The following CLK4 variants were observed in gnomAD, a reference collection of about 807,000 sequenced individuals.
CLK4 encodes dual specificity protein kinase CLK4.
In CLK4, 37 loss-of-function variants were observed where a neutral mutation model predicts 64.4. The observed-to-expected ratio is 0.57, with a 90% CI of 0.44 to 0.76. The LOEUF (loss-of-function observed/expected upper bound fraction) is 0.76. CLK4 is among the 30% of genes least tolerant of loss of function. CLK4 has a pLI of 0.00. For missense variants in CLK4, 457 were observed against 605.1 expected (o/e 0.76, Z 2.57); for synonymous variants, 175 against 191.6 (o/e 0.91, Z 0.72).
chr5:178,609,553 G>T (rs1424647944), intron 9 of CLK4, among the ~76,000 whole-genome samples: 1 of 151,948 alleles, frequency 6.6e-6, no homozygotes, highest in Non-Finnish European at 1.5e-5. Flanking sequence ...CGTGGTGGCA[G>T]ACGCCTGTAA....
intron 11 of CLK4, 101 bp from the exon 12 acceptor site, chr5:178,604,035 G>A: frequency 1.2e-6 from 1 of 807,520 alleles, no homozygotes; most frequent in Admixed American, 2.8e-5. Flanking sequence ...CTCTCTAAGT[G>A]TATAGACTTA....
rs756090488 is a variant in CLK4 at position 178,612,446 on chromosome 5, G to A, written c.1021C>T (p.Arg341Trp). The A allele has an allele frequency of 2.5e-6, 4 of 1,613,652 alleles. No individual in the cohort carries two copies. Among genetic ancestry groups the A allele is most frequent in the Admixed American group, 1.7e-5 (1 of 59,956 alleles). Reference protein sequence around the residue: ...DEHHSTLVSTRHYRAPEVILA... With the variant: ...DEHHSTLVSTWHYRAPEVILA... ...ATGACCTCGGGAGCTCTGTAGTGCC[G>A]GGTAGACACCAAAGTACTGTGATGT... The change falls in exon 9 of 13, where the codon CGG becomes TGG. Residue 341 changes from arginine to tryptophan, a missense_variant. By Grantham distance (101) the Arg-to-Trp change is moderately radical. Transcript: ENST00000316308.
At position 178,617,689 on chromosome 5, in the gene CLK4, C is replaced by G. The variant is rs183667057; in HGVS notation, c.385-255G>C. 3.5e-6 allele frequency: 1 copy of G among 289,318 alleles called. No homozygotes were observed. The highest frequency in any genetic ancestry group is 6.2e-5 in the East Asian group (1 of 16,012). The allele number at this position is 289,318 out of a possible 1,614,324, so 17.9% of individuals were successfully genotyped here. On this transcript the variant is annotated intron_variant, in intron 3 of 12. Transcript: ENST00000316308. The surrounding 1 kb of genome is among the most constrained non-coding windows in gnomAD (Gnocchi z 5.2). The stretch of plus-strand genomic sequence containing the variant: ...TACTTAAAGTGGCAATAGAAAAAAA[C>G]AACACAATTGTCTCTTTAAAATACT...
Position 178,603,861 on chromosome 5 carries a change from G to A in CLK4, c.1288C>T (p.Arg430Cys), listed in dbSNP as rs746376438. The change falls in exon 12 of 13, where the codon CGC becomes TGC. Residue 430 changes from arginine to cysteine, a missense_variant. Coordinates refer to ENST00000316308, the MANE Select transcript of CLK4 (RefSeq NM_020666.3). Reference protein sequence around the residue: ...HSSAGRYVRRRCKPLKEFMLC... With the variant: ...HSSAGRYVRRCCKPLKEFMLC... Reference sequence around the variant, plus strand: ...TCTTTTACCTTCAACGGTTTGCAGCGTCTCCTAACATATCTACCAGCAGAA... The same window carrying A: ...TCTTTTACCTTCAACGGTTTGCAGCATCTCCTAACATATCTACCAGCAGAA... The A allele has an allele frequency of 5.0e-6, 8 of 1,608,594 alleles. No individual in the cohort carries two copies. The highest frequency in any genetic ancestry group is 2.7e-5 in the African/African-American group (2 of 74,370).
chr5:178,616,018 A>G (rs1342550325), intron 5 of CLK4, among the ~76,000 whole-genome samples: 1 of 152,232 alleles, frequency 6.6e-6, no homozygotes, highest in Non-Finnish European at 1.5e-5. Context: ...GAGTTCTGGG[A>G]AATTCCTTCA....
In CLK4 at chr5:178,617,905, A is replaced by AGTTAATTTCAATTTCAATTTC. The variant is rs1421947094; in HGVS notation, c.385-472_385-471insGAAATTGAAATTGAAATTAAC. ...CATGATTAAAATAAAAGGGGAAAATAAAGGCTAGTTAATTTCAATGTTCAA... is the reference window on the plus strand; with the variant it reads ...CATGATTAAAATAAAAGGGGAAAATAGTTAATTTCAATTTCAATTTCAAGGCTAGTTAATTTCAATGTTCAA... On this transcript the variant is annotated intron_variant, in intron 3 of 12. Coordinates refer to ENST00000316308, the MANE Select transcript of CLK4 (RefSeq NM_020666.3). This position sits in a 1 kb window ranked among gnomAD's most constrained non-coding sequence, Gnocchi z 5.2. 2 of 152,316 alleles carry AGTTAATTTCAATTTCAATTTC rather than the reference A, an allele frequency of 1.3e-5. No homozygotes were observed. The highest frequency in any genetic ancestry group is 1.3e-4 in the Admixed American group (2 of 15,280). The allele number at this position is 152,316 out of a possible 1,614,324, so 9.4% of individuals were successfully genotyped here.
intron 5 of CLK4, among the ~76,000 whole-genome samples, chr5:178,616,178 C>A (rs1764624481): frequency 6.6e-6 from 1 of 152,268 alleles, no homozygotes; most frequent in South Asian, 2.1e-4. Context: ...CAACCTCCGC[C>A]TTCCTCCCCT....
At chr5:178,622,785 G>GTA (rs1764726371) in intron 2 of CLK4, 1 of 161,670 alleles carries the variant, frequency 6.2e-6, no homozygotes, top group Non-Finnish European at 1.3e-5. Context: ...CATGGTATAA[G>GTA]TGACTAATAA....
intron 5 of CLK4, among the ~76,000 whole-genome samples, chr5:178,615,724 T>C (rs1764618201): frequency 1.3e-5 from 2 of 152,192 alleles, no homozygotes; most frequent in Admixed American, 1.3e-4. Context: ...TCCCAAATAA[T>C]TTATGATAAA....
Position 178,605,350 on chromosome 5 carries a change from C to T in CLK4, c.1167G>A (p.Met389Ile). The T allele has an allele frequency of 6.3e-7, 1 of 1,595,866 alleles. No individual in the cohort carries two copies. Among genetic ancestry groups the T allele is most frequent in the Non-Finnish European group, 8.5e-7 (1 of 1,173,934 alleles). ...GTGGTATGGGTCCTAATATTCGTTCCATCATTGCCAGGTGCTCTTTACTAT... is the reference window on the plus strand; with the variant it reads ...GTGGTATGGGTCCTAATATTCGTTCTATCATTGCCAGGTGCTCTTTACTAT... ...THDSKEHLAMMERILGPIPQH... is the reference protein window; with the variant it reads ...THDSKEHLAMIERILGPIPQH... Residue 389 changes from methionine (M) to isoleucine (I), a missense_variant, in exon 11 of 13, where the codon ATG becomes ATA. Met to Ile is a conservative substitution (Grantham distance 10). Coordinates refer to ENST00000316308, the MANE Select transcript of CLK4 (RefSeq NM_020666.3).
chr5:178,618,164 A>C (rs2113810836), intron 3 of CLK4: 1 of 152,836 alleles, frequency 6.5e-6, no homozygotes, highest in African/African-American at 2.4e-5. Context: ...GGTGTCCACC[A>C]GTGCAATATT....
intron 2 of CLK4, among the ~76,000 whole-genome samples, chr5:178,621,342 G>A (rs1366389733): frequency 1.3e-5 from 2 of 152,084 alleles, no homozygotes; most frequent in East Asian, 1.9e-4. Flanking sequence ...AATATATAAA[G>A]GTAGGGTTTA....
chr5:178,624,634 G>A (rs931728409), intron 1 of CLK4, among the ~76,000 whole-genome samples: 1 of 152,136 alleles, frequency 6.6e-6, no homozygotes. Flanking sequence ...TTAACAGTCA[G>A]GTCCAAATTC....
chr5:178,624,697 C>T (rs538550726), intron 1 of CLK4, among the ~76,000 whole-genome samples: 20 of 152,252 alleles, frequency 1.3e-4, no homozygotes, highest in Admixed American at 2.6e-4. Flanking sequence ...CACAATTCAG[C>T]AAGGAGCTGA....
At chr5:178,606,012 G>A (rs570674180) in intron 10 of CLK4, 1 of 152,210 alleles carries the variant, frequency 6.6e-6, no homozygotes, top group Non-Finnish European at 1.5e-5. Context: ...GGAGAGCAGA[G>A]GCTGTATGCA....
At chr5:178,623,205 T>C (rs755582538) in intron 2 of CLK4, 51 bp downstream of exon 2, 7 of 1,507,890 alleles carry the variant, frequency 4.6e-6, no homozygotes, top group African/African-American at 1.4e-5. Flanking sequence ...AAATGACAAA[T>C]CATTTAAAAC....
Position 178,612,788 on chromosome 5 carries a change from T to C in CLK4, c.921+8A>G. 2 of 1,454,066 alleles carry C rather than the reference T, an allele frequency of 1.4e-6. No homozygotes were observed. Among genetic ancestry groups the C allele is most frequent in the Non-Finnish European group, 1.9e-6 (2 of 1,048,196 alleles). The allele number at this position is 1,454,066 out of a possible 1,614,324, so 90.1% of individuals were successfully genotyped here. A position where few individuals can be genotyped will look rare whatever the true frequency, so the allele number is the denominator to read the frequency against. On this transcript the variant is annotated splice_region_variant and intron_variant, in intron 8 of 12. Coordinates refer to ENST00000316308, the MANE Select transcript of CLK4 (RefSeq NM_020666.3). The stretch of plus-strand genomic sequence containing the variant: ...AACCACCCAAATTAAAACAAGTCTT[T>C]AACTTACCATTTTAGAATTATATTT...
intron 11 of CLK4, chr5:178,604,598 C>T (rs1258174460): frequency 6.6e-6 from 1 of 152,134 alleles, no homozygotes; most frequent in Admixed American, 6.6e-5. Context: ...CTCAGATCAT[C>T]AGGCATTAGA....
intron 10 of CLK4, among the ~76,000 whole-genome samples, chr5:178,605,600 T>C (rs1764456259): frequency 6.6e-6 from 1 of 152,220 alleles, no homozygotes; most frequent in Non-Finnish European, 1.5e-5. Context: ...TTGTTAACAC[T>C]TACTACTCCC....
Sources: allele counts gnomAD v4.1 joint callset (sites outside exome capture counted in the v4.1 genomes callset), GRCh38; gene constraint gnomAD v4.1.1; non-coding constraint Gnocchi (gnomAD v3.1); transcripts MANE v1.5; gene names NCBI Gene and HGNC (gene_info 2026-07-23, HGNC 2026-07-21).